The following PSMD9 variants were observed in gnomAD, a reference collection of about 807,000 sequenced individuals.
PSMD9 encodes the protein proteasome 26S subunit, non-ATPase 9.
Under a neutral mutation model 25.9 loss-of-function variants are expected in PSMD9, and 26 were observed. That is an observed-to-expected ratio of 1.00 (90% CI 0.73 to 1.39). The LOEUF (loss-of-function observed/expected upper bound fraction) is 1.39, where lower values mean the gene tolerates loss of function less well. PSMD9 is among the 40% of genes most tolerant of loss of function. The pLI is 0.00. For synonymous variants in PSMD9, 110 were observed against 114.5 expected (o/e 0.96, Z 0.25); for missense variants, 303 against 299.3 (o/e 1.01, Z -0.09).
At chr12:121,897,931 A>G (rs1388606141) in intron 2 of PSMD9, 1 of 152,232 alleles carries the variant, frequency 6.6e-6, no homozygotes, top group Non-Finnish European at 1.5e-5. Flanking sequence ...CAACATTTTG[A>G]TTAGAATTGT....
Position 121,917,600 on chromosome 12 carries a change from G to C in PSMD9, c.*1289G>C, listed in dbSNP as rs1272657521. The C allele has an allele frequency of 1.3e-5, 2 of 152,208 alleles. No homozygotes were observed. The highest frequency in any genetic ancestry group is 2.9e-5 in the Non-Finnish European group (2 of 68,044). The allele number at this position is 152,208 out of a possible 1,614,324, so 9.4% of individuals were successfully genotyped here. On this transcript the variant is annotated 3_prime_UTR_variant, in exon 6 of 6. Transcript: ENST00000541212. ...CTTGGGACTGGTTTTGCTGTGGTTGGATACAGATACCAGCTTGCCTTGATG... is the reference window on the plus strand; with the variant it reads ...CTTGGGACTGGTTTTGCTGTGGTTGCATACAGATACCAGCTTGCCTTGATG...
At chr12:121,906,817 A>G (rs1051807879) in intron 4 of PSMD9, among the ~76,000 whole-genome samples, 3 of 129,676 alleles carry the variant, frequency 2.3e-5, no homozygotes, top group Non-Finnish European at 4.6e-5. Flanking sequence ...CTCCCATCTC[A>G]AAAAAAAAAA....
intron 4 of PSMD9, chr12:121,914,730 T>G (rs1031557117): frequency 6.6e-6 from 1 of 151,954 alleles, no homozygotes; most frequent in Admixed American, 6.6e-5. Context: ...GCTGCATGCC[T>G]GTAGTCCCAG....
chr12:121,899,576 A>G (rs1291613916), intron 2 of PSMD9, 58 bp from the exon 3 acceptor site: 3 of 1,445,496 alleles, frequency 2.1e-6, no homozygotes, highest in Non-Finnish European at 2.8e-6. Flanking sequence ...GAATAAATGT[A>G]GGAGTCTTGT....
At chr12:121,909,405 C>T (rs1053414685) in intron 4 of PSMD9, among the ~76,000 whole-genome samples, 1 of 151,894 alleles carries the variant, frequency 6.6e-6, no homozygotes, top group African/African-American at 2.4e-5. Flanking sequence ...CCTCAAACTC[C>T]AGGGCTTGAG....
chr12:121,916,409 C>G lies in PSMD9; in HGVS notation c.*98C>G. 6.9e-7 allele frequency: 1 copy of G among 1,453,064 alleles called. No individual in the cohort carries two copies. The highest frequency in any genetic ancestry group is 9.7e-7 in the Non-Finnish European group (1 of 1,034,844). The allele number at this position is 1,453,064 out of a possible 1,614,324, so 90.0% of individuals were successfully genotyped here. A position where few individuals can be genotyped will look rare whatever the true frequency, so the allele number is the denominator to read the frequency against. On this transcript the variant is annotated 3_prime_UTR_variant, in exon 6 of 6. Coordinates refer to ENST00000541212, the MANE Select transcript of PSMD9 (RefSeq NM_002813.7). ...TCTTCTCTCCCTGAAGCATAAGGAT[C>G]TGGAAGAGGCTTGTAACCTGAACTT... is the stretch of plus-strand genomic sequence containing the variant.
intron 1 of PSMD9, among the ~76,000 whole-genome samples, chr12:121,892,751 C>T (rs1879123435): frequency 6.6e-6 from 1 of 151,792 alleles, no homozygotes; most frequent in Non-Finnish European, 1.5e-5. Context: ...ATGACATGTG[C>T]CTGTGGTCCC....
In PSMD9 at chr12:121,909,996, G is replaced by T. The variant is rs143414040; in HGVS notation, c.556-5860G>T. Among the ~76,000 whole-genome samples the T allele has an allele frequency of 8.6e-5, 13 of 151,752 alleles. No homozygotes were observed. The East Asian group carries it at 1.5e-3, about 18-fold the overall frequency. ...GTGCACCTTCTCTCAAGTAGCACCT[G>T]TGAGTGCGTCTGTTTCTAGCTTTCC... On this transcript the variant is annotated intron_variant, in intron 4 of 5. Coordinates refer to ENST00000541212, the MANE Select transcript of PSMD9 (RefSeq NM_002813.7).
At chr12:121,911,995 G>T (rs902256100) in intron 4 of PSMD9, among the ~76,000 whole-genome samples, 1 of 149,750 alleles carries the variant, frequency 6.7e-6, no homozygotes, top group Non-Finnish European at 1.5e-5. Context: ...CAGGTTTCTG[G>T]AATGAGCTTG....
intron 2 of PSMD9, chr12:121,898,944 T>C (rs1190509363): frequency 6.6e-6 from 1 of 152,382 alleles, no homozygotes; most frequent in African/African-American, 2.4e-5. Flanking sequence ...ATGGTCTCCA[T>C]CTCCTGACCT....
chr12:121,909,991 C>T (rs1879671819), intron 4 of PSMD9, among the ~76,000 whole-genome samples: 1 of 152,064 alleles, frequency 6.6e-6, no homozygotes, highest in Non-Finnish European at 1.5e-5. Context: ...TCTCAAGTAG[C>T]ACCTGTGAGT....
chr12:121,907,055 G>A (rs1475070291), intron 4 of PSMD9, among the ~76,000 whole-genome samples: 1 of 151,418 alleles, frequency 6.6e-6, no homozygotes, highest in East Asian at 1.9e-4. Context: ...CACTCTTGCA[G>A]ATGGATTTCT....
At chr12:121,892,105 A>G (rs1879101447) in intron 1 of PSMD9, among the ~76,000 whole-genome samples, 1 of 151,988 alleles carries the variant, frequency 6.6e-6, no homozygotes, top group African/African-American at 2.4e-5. Context: ...AAATGAAAAG[A>G]TAAGCTCCAG....
chr12:121,911,438 G>A (rs1359936003), intron 4 of PSMD9, among the ~76,000 whole-genome samples: 1 of 152,124 alleles, frequency 6.6e-6, no homozygotes, highest in Non-Finnish European at 1.5e-5. Flanking sequence ...TCGACTGTAT[G>A]TATACACCAC....
At chr12:121,903,574 A>G (rs1223369292) in intron 4 of PSMD9, among the ~76,000 whole-genome samples, 2 of 151,990 alleles carry the variant, frequency 1.3e-5, no homozygotes, top group Non-Finnish European at 2.9e-5. Flanking sequence ...GCACAGCCCC[A>G]TTCAAGGACT....
chr12:121,908,728 A>T (rs1458565525), intron 4 of PSMD9, among the ~76,000 whole-genome samples: 1 of 152,028 alleles, frequency 6.6e-6, no homozygotes, highest in African/African-American at 2.4e-5. Context: ...TGGGGCCCTG[A>T]TTTGGTTTGG....
rs1207701129 is a variant in PSMD9, at chr12:121,916,549, C to A, written c.*238C>A. On this transcript the variant is annotated 3_prime_UTR_variant, in exon 6 of 6. Transcript: ENST00000541212. ...AGGCCACGGCCCTAAATAGGAATTC[C>A]CTGGATTGTGGGCAAGTGGGCGGAA... 1 of 563,442 alleles carries A rather than the reference C, an allele frequency of 1.8e-6. No homozygotes were observed. The highest frequency in any genetic ancestry group is 3.2e-6 in the Non-Finnish European group (1 of 316,732). The allele number at this position is 563,442 out of a possible 1,614,324, so 34.9% of individuals were successfully genotyped here.
chr12:121,898,222 G>A (rs1879289402), intron 2 of PSMD9: 1 of 152,186 alleles, frequency 6.6e-6, no homozygotes, highest in Admixed American at 6.6e-5. Context: ...GGCAGAGGAG[G>A]CAGGTCAGGT....
In PSMD9 at chr12:121,888,873, C is replaced by A. The variant is rs746326354; in HGVS notation, c.17C>A (p.Ala6Glu). The A allele has an allele frequency of 3.1e-6, 5 of 1,603,720 alleles. No individual in the cohort carries two copies. In the South Asian group the frequency reaches 5.6e-5, roughly 18 times the overall value. Residue 6 changes from alanine to glutamate, a missense_variant, in exon 1 of 6, where the codon GCG becomes GAG. Coordinates refer to ENST00000541212, the MANE Select transcript of PSMD9 (RefSeq NM_002813.7). ...GGGTTCACGATGTCCGACGAGGAAG[C>A]GAGGCAGAGCGGAGGCTCCTCGCAG... is the stretch of plus-strand genomic sequence containing the variant. MSDEE[A>E]RQSGGSSQAG... is the part of the protein sequence containing the mutation.
Sources: allele counts gnomAD v4.1 joint callset (sites outside exome capture counted in the v4.1 genomes callset), GRCh38; gene constraint gnomAD v4.1.1; transcripts MANE v1.5; gene names NCBI Gene and HGNC (gene_info 2026-07-23, HGNC 2026-07-21).